The following GNAO1 variants were observed in gnomAD, a reference collection of about 807,000 sequenced individuals.
The protein encoded by GNAO1 is guanine nucleotide-binding protein G(o) subunit alpha.
For missense variants in GNAO1, 166 were observed against 478.7 expected (o/e 0.35, Z 6.10); for synonymous variants, 164 against 180.7 (o/e 0.91, Z 0.74).
At chr16:56,193,463 T>C (rs761431109) in intron 2 of GNAO1, 8 of 159,198 alleles carry the variant, frequency 5.0e-5, no homozygotes, top group Non-Finnish European at 8.3e-5. Context: ...ACACTCTGCA[T>C]AGGCCGTGTT....
chr16:56,343,897 G>T, intron 6 of GNAO1: 6 of 1,614,168 alleles, frequency 3.7e-6, no homozygotes, highest in Non-Finnish European at 5.1e-6. Flanking sequence ...TGTCTTTGAT[G>T]CTGTGACGGA....
chr16:56,284,076 A>G (rs2037140679), intron 3 of GNAO1, among the ~76,000 whole-genome samples: 1 of 152,096 alleles, frequency 6.6e-6, no homozygotes, highest in Non-Finnish European at 1.5e-5. Flanking sequence ...ATTTTCTTTC[A>G]TTCAGTTGGT....
chr16:56,249,915 C>T (rs2036784238), intron 2 of GNAO1, among the ~76,000 whole-genome samples: 1 of 152,136 alleles, frequency 6.6e-6, no homozygotes, highest in Admixed American at 6.5e-5. Flanking sequence ...CTTCTTAAAC[C>T]AATCACTGGT....
At chr16:56,204,497 C>T (rs2036308093) in intron 2 of GNAO1, among the ~76,000 whole-genome samples, 1 of 152,012 alleles carries the variant, frequency 6.6e-6, no homozygotes, top group South Asian at 2.1e-4. Flanking sequence ...CTTCAGTAGA[C>T]CCACAGGTAG....
At chr16:56,324,545 C>G (rs1342427384) in intron 3 of GNAO1, among the ~76,000 whole-genome samples, 1 of 152,220 alleles carries the variant, frequency 6.6e-6, no homozygotes, top group African/African-American at 2.4e-5. Flanking sequence ...CGCTGCAGGT[C>G]CCTGACTCAT....
At chr16:56,260,729 A>G (rs2093714357) in intron 2 of GNAO1, among the ~76,000 whole-genome samples, 2 of 151,768 alleles carry the variant, frequency 1.3e-5, no homozygotes, top group South Asian at 2.1e-4. Flanking sequence ...ACCCGCTATC[A>G]TGGTTATTAA....
At chr16:56,238,395 C>A (rs575321751) in intron 2 of GNAO1, among the ~76,000 whole-genome samples, 6 of 152,226 alleles carry the variant, frequency 3.9e-5, no homozygotes, top group Non-Finnish European at 8.8e-5. Flanking sequence ...AGAGGCACAG[C>A]GGGTTCTAAC....
rs186311542 is a variant in GNAO1 at position 56,314,776 on chromosome 16, A to G, written c.304-13855A>G. On this transcript the variant is annotated intron_variant, in intron 3 of 8. Coordinates refer to ENST00000262493, the MANE Select transcript of GNAO1 (RefSeq NM_020988.3). ...AGTGACATCTTAGTTTTGTTATGAA[A>G]ATAGTTTTGATTTCATGGACCCCCT... 1.4e-3 allele frequency among the ~76,000 whole-genome samples: 209 copies of G among 152,232 alleles called. 1 individual carries two copies. Among genetic ancestry groups the G allele is most frequent in the African/African-American group, 4.9e-3 (203 of 41,518 alleles).
intron 2 of GNAO1, among the ~76,000 whole-genome samples, chr16:56,206,270 A>C (rs2036327150): frequency 6.7e-6 from 1 of 150,268 alleles, no homozygotes; most frequent in African/African-American, 2.5e-5. Context: ...CAGTGAGCCG[A>C]GATCACGCCA....
chr16:56,249,375 C>A (rs1016281087), intron 2 of GNAO1, among the ~76,000 whole-genome samples: 6 of 152,248 alleles, frequency 3.9e-5, no homozygotes, highest in African/African-American at 1.4e-4. Context: ...ATGGCCTCAC[C>A]ATCTCAACAC....
intron 2 of GNAO1, among the ~76,000 whole-genome samples, chr16:56,223,822 T>TA (rs1337102834): frequency 6.6e-6 from 1 of 152,204 alleles, no homozygotes; most frequent in African/African-American, 2.4e-5. Flanking sequence ...GAACAAGATT[T>TA]AAACTCCTTG....
At chr16:56,228,005 C>T (rs2143388341) in intron 2 of GNAO1, among the ~76,000 whole-genome samples, 1 of 152,286 alleles carries the variant, frequency 6.6e-6, no homozygotes, top group East Asian at 1.9e-4. Context: ...GACCGAGAAG[C>T]CTCCATTCCC....
intron 3 of GNAO1, among the ~76,000 whole-genome samples, chr16:56,320,156 G>A (rs146905248): frequency 2.0e-3 from 298 of 152,200 alleles, no homozygotes; most frequent in African/African-American, 6.7e-3. Flanking sequence ...ATGGCATCTC[G>A]CTTACTGTTA....
At chr16:56,197,752 A>T (rs1175375412) in intron 2 of GNAO1, among the ~76,000 whole-genome samples, 4 of 152,218 alleles carry the variant, frequency 2.6e-5, no homozygotes, top group Non-Finnish European at 5.9e-5. Context: ...TGGAACTCGC[A>T]GATTATTTTG....
intron 3 of GNAO1, among the ~76,000 whole-genome samples, chr16:56,297,539 G>A (rs999200453): frequency 4.5e-4 from 68 of 150,460 alleles, no homozygotes; most frequent in Non-Finnish European, 8.3e-4. Flanking sequence ...GTGTGTGTGT[G>A]TGTGTGTGTG....
intron 3 of GNAO1, among the ~76,000 whole-genome samples, chr16:56,293,413 G>T (rs145872735): frequency 1.3e-5 from 2 of 152,240 alleles, no homozygotes; most frequent in Non-Finnish European, 2.9e-5. Context: ...GGTGGCTATG[G>T]TGGTGGCTTC....
At chr16:56,348,444 G>A (rs558951217) in intron 6 of GNAO1, among the ~76,000 whole-genome samples, 13 of 152,340 alleles carry the variant, frequency 8.5e-5, no homozygotes, top group Middle Eastern at 3.4e-3. Flanking sequence ...AGAGCTTGGT[G>A]GCCACCTGGA....
intron 6 of GNAO1, among the ~76,000 whole-genome samples, chr16:56,337,199 C>A (rs1443663569): frequency 1.3e-5 from 2 of 152,244 alleles, no homozygotes; most frequent in Non-Finnish European, 2.9e-5. Context: ...CAGGAGGCAG[C>A]CAAGCAAGAA....
At chr16:56,269,254 C>G (rs2036990342) in intron 2 of GNAO1, among the ~76,000 whole-genome samples, 1 of 152,180 alleles carries the variant, frequency 6.6e-6, no homozygotes, top group Admixed American at 6.5e-5. Context: ...TGCCGCTCTT[C>G]TTTTCTCCAC....
Sources: allele counts gnomAD v4.1 joint callset (sites outside exome capture counted in the v4.1 genomes callset), GRCh38; gene constraint gnomAD v4.1.1; transcripts MANE v1.5; gene names NCBI Gene and HGNC (gene_info 2026-07-23, HGNC 2026-07-21).